Variants in MGAT4C observed in about 807,000 individuals in gnomAD.
MGAT4C encodes the protein MGAT4 family member C, also known as alpha-1,3-mannosyl-glycoprotein 4-beta-N-acetylglucosaminyltransferase C.
Under a neutral mutation model 40.1 loss-of-function variants are expected in MGAT4C, and 19 were observed. That is an observed-to-expected ratio of 0.47 (90% CI 0.33 to 0.70). MGAT4C has a LOEUF of 0.70. Ranked by LOEUF, MGAT4C falls within the 30% of genes least tolerant of loss-of-function variation. The probability of loss-of-function intolerance (pLI) is 0.02; values close to 1 mark genes in which losing one functional copy is unlikely to be tolerated. For missense variants in MGAT4C, 491 were observed against 563.2 expected, an observed-to-expected ratio of 0.87 and a Z score of 1.30; for synonymous variants, 181 against 187.1, an observed-to-expected ratio of 0.97 and a Z score of 0.27.
At chr12:86,558,491 CACAA>C (rs1416630261) in intron 2 of MGAT4C, among the ~76,000 whole-genome samples, 4 of 152,036 alleles carry the variant, frequency 2.6e-5, no homozygotes, top group Non-Finnish European at 4.4e-5. Context: ...CCAAGCAAAA[CACAA>C]ACAAACAAAA....
chr12:85,999,583 G>GTGTGTATATATATA (rs1226916126), intron 2 of MGAT4C, among the ~76,000 whole-genome samples: 1 of 122,966 alleles, frequency 8.1e-6, no homozygotes, highest in African/African-American at 2.9e-5. Context: ...GTGTGTGTGT[G>GTGTGTATATATATA]TATATATATA....
intron 2 of MGAT4C, among the ~76,000 whole-genome samples, chr12:86,038,919 C>G (rs1342017383): frequency 1.3e-5 from 2 of 149,750 alleles, no homozygotes; most frequent in African/African-American, 4.9e-5. Flanking sequence ...TCTTGTAAGG[C>G]AGGCCTGGTG....
intron 2 of MGAT4C, among the ~76,000 whole-genome samples, chr12:86,553,365 C>A (rs1407628283): frequency 6.6e-6 from 1 of 151,910 alleles, no homozygotes; most frequent in Non-Finnish European, 1.5e-5. Context: ...AAACTCACAC[C>A]TACTCTAAAT....
At chr12:86,464,480 G>C (rs2406140) in intron 2 of MGAT4C, among the ~76,000 whole-genome samples, 151,677 of 152,240 alleles carry the variant, frequency 1, 75,558 homozygotes, top group Middle Eastern at 1. Flanking sequence ...CCTTATATTT[G>C]ATTATAACCA....
intron 2 of MGAT4C, among the ~76,000 whole-genome samples, chr12:86,667,688 A>G (rs550081148): frequency 1.3e-5 from 2 of 152,236 alleles, no homozygotes; most frequent in Non-Finnish European, 2.9e-5. Flanking sequence ...ATACAAATGT[A>G]TTTATGAATA....
chr12:85,984,819 C>A (rs916536820), intron 3 of MGAT4C, among the ~76,000 whole-genome samples: 1 of 151,878 alleles, frequency 6.6e-6, no homozygotes, highest in African/African-American at 2.4e-5. Context: ...GGCTCTGTTG[C>A]CCAGGCTGGA....
At chr12:86,087,989 A>C (rs1872195627) in intron 1 of MGAT4C, among the ~76,000 whole-genome samples, 1 of 152,030 alleles carries the variant, frequency 6.6e-6, no homozygotes, top group South Asian at 2.1e-4. Flanking sequence ...ACTGTATTAT[A>C]AGCGTACAGT....
intron 1 of MGAT4C, among the ~76,000 whole-genome samples, chr12:86,830,208 C>T (rs1031469594): frequency 1.3e-5 from 2 of 151,320 alleles, no homozygotes; most frequent in Non-Finnish European, 1.5e-5. Flanking sequence ...CCTGTATGCC[C>T]GTTTGTGCTT....
At chr12:86,259,339 A>G (rs531724110), upstream of MGAT4C, among the ~76,000 whole-genome samples, 2 of 152,210 alleles carry the variant, frequency 1.3e-5, no homozygotes, top group Admixed American at 6.5e-5. Flanking sequence ...AAAATAAGAT[A>G]GTGTGTATGT....
At chr12:86,448,367 T>C (rs540571086) in intron 2 of MGAT4C, among the ~76,000 whole-genome samples, 13 of 152,318 alleles carry the variant, frequency 8.5e-5, no homozygotes, top group African/African-American at 3.1e-4. Flanking sequence ...TTACCTAAGA[T>C]AGTCACATTC....
At position 85,960,093 on chromosome 12, in the gene MGAT4C, C is replaced by T. The variant is rs1273903327; in HGVS notation, c.*19196G>A. ...TAGAGTCTAATTTTTGGAAAGTATA[C>T]TTCGCCTTTTCAGTAATTTTATTTT... On this transcript the variant is annotated 3_prime_UTR_variant, in exon 5 of 5. Coordinates refer to ENST00000611864, the MANE Select transcript of MGAT4C (RefSeq NM_001351288.2). The T allele has an allele frequency of 2.0e-5, 3 of 151,994 alleles. No individual in the cohort carries two copies. Among genetic ancestry groups the T allele is most frequent in the Non-Finnish European group, 4.4e-5 (3 of 67,930 alleles). 9.4% of individuals were successfully genotyped at this position (151,994 alleles called of 1,614,324 possible).
At position 86,132,480 on chromosome 12, in the gene MGAT4C, T is replaced by C. The variant is rs540116575; in HGVS notation, c.-56-82757A>G. Reference sequence around the variant, plus strand: ...ACAATTACACTACCTGTAGAAACTTTCTTGTAATTAAAACACAAGTGAAAA... The same window carrying C: ...ACAATTACACTACCTGTAGAAACTTCCTTGTAATTAAAACACAAGTGAAAA... On this transcript the variant is annotated intron_variant, in intron 1 of 4. Coordinates refer to ENST00000611864, the MANE Select transcript of MGAT4C (RefSeq NM_001351288.2). 2.4e-4 allele frequency among the ~76,000 whole-genome samples: 36 copies of C among 152,252 alleles called. 1 individual carries two copies. The East Asian group carries it at 6.4e-3, about 27-fold the overall frequency.
intron 3 of MGAT4C, among the ~76,000 whole-genome samples, chr12:86,393,054 T>A (rs1956186024): frequency 6.6e-6 from 1 of 152,164 alleles, no homozygotes. Flanking sequence ...GCTTAGAAGG[T>A]CAATTATTTT....
intron 2 of MGAT4C, among the ~76,000 whole-genome samples, chr12:86,016,875 A>G (rs1250368908): frequency 6.6e-6 from 1 of 152,070 alleles, no homozygotes; most frequent in Non-Finnish European, 1.5e-5. Flanking sequence ...CTCTCATTTT[A>G]ATATCCATGG....
chr12:86,495,650 A>G (rs777843860), intron 2 of MGAT4C, among the ~76,000 whole-genome samples: 40 of 152,168 alleles, frequency 2.6e-4, no homozygotes, highest in Non-Finnish European at 4.4e-4. Context: ...AGATACCTAC[A>G]GGAAGTTCTT....
chr12:86,434,656 A>G (rs1266834698), intron 3 of MGAT4C, among the ~76,000 whole-genome samples: 1 of 152,014 alleles, frequency 6.6e-6, no homozygotes, highest in Non-Finnish European at 1.5e-5. Flanking sequence ...AAATAAACTC[A>G]TCCAGAATAA....
chr12:86,484,377 T>C (rs1019764368), intron 2 of MGAT4C, among the ~76,000 whole-genome samples: 5 of 152,228 alleles, frequency 3.3e-5, no homozygotes, highest in Non-Finnish European at 5.9e-5. Flanking sequence ...CATGTTCCCC[T>C]GCCTGCTAGC....
chr12:86,294,520 A>G (rs1953613376), intron 4 of MGAT4C, among the ~76,000 whole-genome samples: 1 of 152,160 alleles, frequency 6.6e-6, no homozygotes, highest in Non-Finnish European at 1.5e-5. Flanking sequence ...TGTTCCGAAA[A>G]TCAAAACAAA....
chr12:86,570,693 T>C (rs1195753530), intron 2 of MGAT4C, among the ~76,000 whole-genome samples: 2 of 152,174 alleles, frequency 1.3e-5, no homozygotes, highest in Admixed American at 6.6e-5. Context: ...AATGGGGTTT[T>C]ATGACTAAGA....
Sources: allele counts gnomAD v4.1 joint callset (sites outside exome capture counted in the v4.1 genomes callset), GRCh38; gene constraint gnomAD v4.1.1; transcripts MANE v1.5; gene names NCBI Gene and HGNC (gene_info 2026-07-23, HGNC 2026-07-21).